The following OR1J2 variants were observed in gnomAD, a reference collection of about 807,000 sequenced individuals.
The protein encoded by OR1J2 is olfactory receptor family 1 subfamily J member 2.
For synonymous variants in OR1J2, 142 were observed against 99.7 expected (o/e 1.42, Z -2.52); for missense variants, 304 against 246.1 (o/e 1.24, Z -1.57).
At chr9:122,453,536 A>G in the OR1J2 span, among the ~76,000 whole-genome samples, 6 of 152,202 alleles carry the variant, frequency 3.9e-5, no homozygotes, top group African/African-American at 1.2e-4. Flanking sequence ...ACATGCATCT[A>G]AAAAGTACTG....
the OR1J2 span, chr9:122,553,441 C>T: frequency 1.9e-6 from 3 of 1,614,180 alleles, no homozygotes; most frequent in Non-Finnish European, 2.5e-6. Context: ...GCCTGTTTCA[C>T]TTCTGCCTCC....
At chr9:122,458,588 C>T in the OR1J2 span, among the ~76,000 whole-genome samples, 33 of 152,268 alleles carry the variant, frequency 2.2e-4, no homozygotes, top group Middle Eastern at 6.8e-3. Context: ...AGGGGAATTG[C>T]CCTTTATAAA....
At chr9:122,573,863 T>C in the OR1J2 span, among the ~76,000 whole-genome samples, 1 of 152,250 alleles carries the variant, frequency 6.6e-6, no homozygotes, top group East Asian at 1.9e-4. Flanking sequence ...CCTCTATGAG[T>C]TTCACAGTTT....
chr9:122,502,061 T>C, the OR1J2 span, among the ~76,000 whole-genome samples: 15 of 152,210 alleles, frequency 9.9e-5, no homozygotes, highest in African/African-American at 3.6e-4. Context: ...ACAGAACAAA[T>C]TCTCCAGCAC....
the OR1J2 span, among the ~76,000 whole-genome samples, chr9:122,463,064 C>G: frequency 2.6e-5 from 4 of 151,850 alleles, no homozygotes; most frequent in Non-Finnish European, 5.9e-5. Flanking sequence ...ACCAATTATT[C>G]TTAGCTTTGG....
At chr9:122,519,509 T>C in the OR1J2 span, 3 of 1,614,078 alleles carry the variant, frequency 1.9e-6, no homozygotes, top group African/African-American at 4.0e-5. Flanking sequence ...ACGATCGGTA[T>C]GTGGCCATCT....
chr9:122,518,436 G>A, the OR1J2 span, among the ~76,000 whole-genome samples: 1 of 152,250 alleles, frequency 6.6e-6, no homozygotes, highest in Non-Finnish European at 1.5e-5. Flanking sequence ...CTGGTTAGCA[G>A]ATGGCTGCCT....
the OR1J2 span, among the ~76,000 whole-genome samples, chr9:122,499,379 A>G: frequency 0.65 from 99,455 of 152,144 alleles, 34,182 homozygotes; most frequent in African/African-American, 0.88. Context: ...GCAGAGGGGA[A>G]CCCCCTAAAC....
chr9:122,508,533 G>A (rs564513034), upstream of OR1J2, among the ~76,000 whole-genome samples: 12 of 152,258 alleles, frequency 7.9e-5, no homozygotes, highest in East Asian at 3.9e-4. Context: ...GTAGGAGAGG[G>A]ATGGCATAGA....
the OR1J2 span, among the ~76,000 whole-genome samples, chr9:122,576,386 T>C: frequency 8.5e-6 from 1 of 117,772 alleles, no homozygotes; most frequent in African/African-American, 3.7e-5. Context: ...CACGCCCAGC[T>C]AATTTTTTTT....
the OR1J2 span, among the ~76,000 whole-genome samples, chr9:122,578,864 G>A: frequency 3.3e-5 from 5 of 152,038 alleles, no homozygotes; most frequent in Non-Finnish European, 5.9e-5. Context: ...TACACTGCTC[G>A]GGTGCACCAA....
At chr9:122,508,156 GAA>G (rs757528603), upstream of OR1J2, among the ~76,000 whole-genome samples, 1 of 147,780 alleles carries the variant, frequency 6.8e-6, no homozygotes, top group African/African-American at 2.5e-5. Context: ...GAGAGAGAGA[GAA>G]AGGAGAAGGA....
At chr9:122,471,669 A>G in the OR1J2 span, among the ~76,000 whole-genome samples, 1 of 152,232 alleles carries the variant, frequency 6.6e-6, no homozygotes, top group African/African-American at 2.4e-5. Flanking sequence ...ACACTGTGGA[A>G]TCTAGAGAAA....
the OR1J2 span, among the ~76,000 whole-genome samples, chr9:122,458,986 C>T: frequency 6.6e-6 from 1 of 152,014 alleles, no homozygotes; most frequent in African/African-American, 2.4e-5. Flanking sequence ...TCCTCCCTAC[C>T]CTTTGCACTA....
chr9:122,502,213 C>T, the OR1J2 span, among the ~76,000 whole-genome samples: 1 of 152,186 alleles, frequency 6.6e-6, no homozygotes, highest in Non-Finnish European at 1.5e-5. Context: ...GTGGGGAGTT[C>T]TCAGAGTCTG....
chr9:122,477,016 A>G, the OR1J2 span: 1 of 1,612,692 alleles, frequency 6.2e-7, no homozygotes. Context: ...CCTACTCAAG[A>G]GTTTTCTTAG....
the OR1J2 span, among the ~76,000 whole-genome samples, chr9:122,549,260 G>C: frequency 8.4e-4 from 128 of 152,234 alleles, no homozygotes; most frequent in African/African-American, 2.8e-3. Context: ...CTTGCCATAT[G>C]ATATGCTGGC....
chr9:122,559,165 T>C, the OR1J2 span, among the ~76,000 whole-genome samples: 1 of 152,134 alleles, frequency 6.6e-6, no homozygotes, highest in Non-Finnish European at 1.5e-5. Context: ...TGTCTAAGTA[T>C]AACATAGATC....
chr9:122,505,638 A>T, the OR1J2 span, among the ~76,000 whole-genome samples: 1 of 152,146 alleles, frequency 6.6e-6, no homozygotes, highest in Admixed American at 6.5e-5. Context: ...CTCAAACATT[A>T]TTATCTCAAG....
Sources: gnomAD v4.1 joint callset for allele counts (sites outside exome capture counted in the v4.1 genomes callset) on GRCh38, gnomAD v4.1.1 for gene constraint, MANE v1.5 for transcripts, NCBI Gene and HGNC (gene_info 2026-07-23, HGNC 2026-07-21) for gene names.